VRK1: variants seen among roughly 807,000 people sequenced by gnomAD.
The protein encoded by VRK1 is serine/threonine-protein kinase VRK1.
VRK1 carries 33 observed loss-of-function variants against 57.1 expected under a neutral mutation model. That is an observed-to-expected ratio of 0.58 (90% CI 0.44 to 0.77). The LOEUF is 0.77. Among genes scored for constraint, VRK1 ranks in the 30% least tolerant of loss-of-function variants. The probability of loss-of-function intolerance (pLI) is 0.00; values close to 1 mark genes in which losing one functional copy is unlikely to be tolerated. For missense variants in VRK1, 413 were observed against 477.3 expected, an observed-to-expected ratio of 0.87 and a Z score of 1.25; for synonymous variants, 137 against 147.8, an observed-to-expected ratio of 0.93 and a Z score of 0.53.
At chr14:96,870,872 C>G (rs1407080228) in intron 11 of VRK1, among the ~76,000 whole-genome samples, 1 of 152,050 alleles carries the variant, frequency 6.6e-6, no homozygotes, top group Non-Finnish European at 1.5e-5. Flanking sequence ...GCAGCTTTCC[C>G]TAGTTCCTTA....
At chr14:96,866,459 T>C (rs977797784) in intron 11 of VRK1, among the ~76,000 whole-genome samples, 3 of 152,200 alleles carry the variant, frequency 2.0e-5, no homozygotes, top group African/African-American at 7.2e-5. Context: ...TCCATGACTT[T>C]AGTTCTTTAT....
At chr14:96,835,552 C>A (rs1340284790) in intron 2 of VRK1, among the ~76,000 whole-genome samples, 1 of 152,118 alleles carries the variant, frequency 6.6e-6, no homozygotes, top group Non-Finnish European at 1.5e-5. Flanking sequence ...TGAGTCCAGG[C>A]CTGTAGCCAC....
At chr14:96,829,727 A>G (rs1886934927) in intron 1 of VRK1, among the ~76,000 whole-genome samples, 1 of 152,110 alleles carries the variant, frequency 6.6e-6, no homozygotes, top group Non-Finnish European at 1.5e-5. Flanking sequence ...TTTTTTGCGT[A>G]TGTTATCCCA....
rs10138391 is a variant in VRK1, at chr14:96,814,681, C to T, written c.-6+17234C>T. Among the ~76,000 whole-genome samples the T allele has an allele frequency of 3.6e-3, 541 of 152,214 alleles. 3 individuals carry two copies. Among genetic ancestry groups the T allele is most frequent in the African/African-American group, 0.012 (502 of 41,548 alleles). On this transcript the variant is annotated intron_variant, in intron 1 of 12. Coordinates refer to ENST00000216639, the MANE Select transcript of VRK1 (RefSeq NM_003384.3). The stretch of plus-strand genomic sequence containing the variant: ...CATTGTTGCACAGCTCCCAGGGGTG[C>T]AGTCATACATATTCAAGCATATGCA...
chr14:96,858,329 A>G (rs1045388239), intron 10 of VRK1, among the ~76,000 whole-genome samples: 1 of 152,150 alleles, frequency 6.6e-6, no homozygotes, highest in African/African-American at 2.4e-5. Flanking sequence ...CCTGGGCTCA[A>G]GCAGTCCTCC....
intron 11 of VRK1, among the ~76,000 whole-genome samples, chr14:96,872,551 A>G (rs747501134): frequency 5.3e-5 from 8 of 152,210 alleles, no homozygotes; most frequent in Non-Finnish European, 7.3e-5. Flanking sequence ...AGCAACTAGA[A>G]ACTGCTGCTT....
At chr14:96,814,778 T>C (rs908557167) in intron 1 of VRK1, among the ~76,000 whole-genome samples, 4 of 152,210 alleles carry the variant, frequency 2.6e-5, no homozygotes, top group African/African-American at 9.6e-5. Context: ...TATTTTTCAC[T>C]TAATGATATA....
intron 4 of VRK1, 30 bp downstream of exon 4, chr14:96,846,194 C>T: frequency 6.2e-7 from 1 of 1,606,456 alleles, no homozygotes; most frequent in Non-Finnish European, 8.5e-7. Flanking sequence ...TACGTTTACA[C>T]TTTTAAAATG....
At chr14:96,802,321 C>T (rs182925210) in intron 1 of VRK1, among the ~76,000 whole-genome samples, 2 of 152,266 alleles carry the variant, frequency 1.3e-5, no homozygotes, top group East Asian at 3.9e-4. Flanking sequence ...CTCGTAGAAG[C>T]CTTGTTTATA....
chr14:96,800,565 T>A (rs1885619026), intron 1 of VRK1, among the ~76,000 whole-genome samples: 1 of 152,174 alleles, frequency 6.6e-6, no homozygotes. Context: ...GGAAATTTAT[T>A]AAGATTTTTA....
intron 1 of VRK1, among the ~76,000 whole-genome samples, chr14:96,817,485 G>A (rs1242641295): frequency 6.6e-6 from 1 of 151,760 alleles, no homozygotes; most frequent in African/African-American, 2.4e-5. Flanking sequence ...ATTCTGAAAA[G>A]TTCTTTCATG....
intron 5 of VRK1, among the ~76,000 whole-genome samples, chr14:96,850,425 C>G (rs1383861185): frequency 6.6e-6 from 1 of 152,170 alleles, no homozygotes; most frequent in Non-Finnish European, 1.5e-5. Flanking sequence ...AGAGGAGTTA[C>G]TTAGAAATAG....
intron 1 of VRK1, among the ~76,000 whole-genome samples, chr14:96,821,346 A>G (rs569316197): frequency 5.5e-4 from 84 of 152,284 alleles, no homozygotes; most frequent in Non-Finnish European, 8.7e-4. Context: ...GATGATTAGC[A>G]TGCTTCCTAG....
In VRK1 at chr14:96,814,995, A is replaced by G. The variant is rs577172940; in HGVS notation, c.-6+17548A>G. On this transcript the variant is annotated intron_variant, in intron 1 of 12. Transcript: ENST00000216639. ...ATAATGCTGCAGTAACTATCCATGT[A>G]TATTTGACAGTACGTGAGTATCCCT... Among the ~76,000 whole-genome samples the G allele has an allele frequency of 3.3e-5, 5 of 152,302 alleles. No individual in the cohort carries two copies. In the East Asian group the frequency reaches 9.6e-4, roughly 29 times the overall value.
intron 11 of VRK1, among the ~76,000 whole-genome samples, chr14:96,868,106 C>T (rs1488980225): frequency 6.6e-6 from 1 of 152,126 alleles, no homozygotes; most frequent in Non-Finnish European, 1.5e-5. Context: ...ATTTTCATTA[C>T]AGACATCTAC....
rs544257901 is a variant in VRK1 at position 96,877,634 on chromosome 14, T to A, written c.1159+1514T>A. On this transcript the variant is annotated intron_variant, in intron 12 of 12. Coordinates refer to ENST00000216639, the MANE Select transcript of VRK1 (RefSeq NM_003384.3). ...ATACAGCAATATTCTTAAAAAACAA[T>A]CCCTTAAATTTTAAAACTGGCAATT... is the stretch of plus-strand genomic sequence containing the variant. The A allele has an allele frequency of 5.4e-6, 7 of 1,285,900 alleles. No homozygotes were observed. The South Asian group carries it at 8.7e-5, about 16-fold the overall frequency. 79.7% of individuals were successfully genotyped at this position (1,285,900 alleles called of 1,614,324 possible).
chr14:96,826,062 C>A (rs1439251767), intron 1 of VRK1, among the ~76,000 whole-genome samples: 1 of 152,030 alleles, frequency 6.6e-6, no homozygotes, highest in Non-Finnish European at 1.5e-5. Flanking sequence ...AAAAAAATTC[C>A]AAATTTGAAT....
At chr14:96,827,104 G>A (rs1464468697) in intron 1 of VRK1, among the ~76,000 whole-genome samples, 1 of 149,474 alleles carries the variant, frequency 6.7e-6, no homozygotes, top group East Asian at 1.9e-4. Flanking sequence ...TTGGCAGGCA[G>A]GGGCACTAGG....
intron 11 of VRK1, among the ~76,000 whole-genome samples, chr14:96,874,777 A>G (rs1018027567): frequency 2.0e-5 from 3 of 152,212 alleles, no homozygotes; most frequent in Non-Finnish European, 4.4e-5. Context: ...TGGAGGTTTT[A>G]AGGTAATGTG....
Sources: allele counts gnomAD v4.1 joint callset (sites outside exome capture counted in the v4.1 genomes callset), GRCh38; gene constraint gnomAD v4.1.1; transcripts MANE v1.5; gene names NCBI Gene and HGNC (gene_info 2026-07-23, HGNC 2026-07-21).